ITPR1: variants seen among roughly 807,000 people sequenced by gnomAD.
The protein encoded by ITPR1 is inositol 1,4,5-trisphosphate-gated calcium channel ITPR1.
ITPR1 carries 96 observed loss-of-function variants against 318.4 expected under a neutral mutation model. That is an observed-to-expected ratio of 0.30 (90% CI 0.26 to 0.36). ITPR1 has a LOEUF of 0.36. Ranked by LOEUF, ITPR1 falls within the 10% of genes least tolerant of loss-of-function variation. ITPR1 has a pLI of 1.00. For synonymous variants in ITPR1, 1,312 were observed against 1,289.9 expected (o/e 1.02, Z -0.37); for missense variants, 2,440 against 3,460.2 (o/e 0.71, Z 7.40).
chr3:4,814,291 C>A, intron 57 of ITPR1, 132 bp from the exon 58 acceptor site: 1 of 1,007,070 alleles, frequency 9.9e-7, no homozygotes, highest in Non-Finnish European at 1.5e-6. Context: ...TAAGAAAATT[C>A]TTGGCTCTTG....
intron 2 of ITPR1, among the ~76,000 whole-genome samples, chr3:4,514,052 A>G (rs1278430192): frequency 6.6e-6 from 1 of 151,228 alleles, no homozygotes; most frequent in African/African-American, 2.4e-5. Flanking sequence ...GTGCCACTGC[A>G]CTCCAGCTTG....
At chr3:4,764,757 T>C (rs2045695660) in intron 44 of ITPR1, among the ~76,000 whole-genome samples, 1 of 152,228 alleles carries the variant, frequency 6.6e-6, no homozygotes, top group African/African-American at 2.4e-5. Context: ...AGCAGCCTCC[T>C]GGGTCACTTT....
In ITPR1 at chr3:4,524,300, CG is replaced by C. The variant is rs367600574; in HGVS notation, c.163+3207del. Among the ~76,000 whole-genome samples, 304 of 58,338 alleles carry C rather than the reference CG, an allele frequency of 5.2e-3. 7 individuals carry two copies. Among genetic ancestry groups the C allele is most frequent in the African/African-American group, 0.014 (291 of 20,468 alleles). 38.3% of individuals were successfully genotyped at this position (58,338 alleles called of 152,430 possible). A position where few individuals can be genotyped will look rare whatever the true frequency, so the allele number is the denominator to read the frequency against. Reference sequence around the variant, plus strand: ...TCAACTGCGGTGCAGCATACTTTGACGTTTTTTTTTTTTTTTTTTTTTTTTT... The same window carrying C: ...TCAACTGCGGTGCAGCATACTTTGACTTTTTTTTTTTTTTTTTTTTTTTTT... On this transcript the variant is annotated intron_variant, in intron 4 of 61. Transcript: ENST00000649015.
chr3:4,632,964 GGGTCTT>G (rs1389929931), intron 5 of ITPR1, among the ~76,000 whole-genome samples: 1 of 120,000 alleles, frequency 8.3e-6, no homozygotes, highest in East Asian at 2.2e-4. Context: ...TTTTGAGATG[GGGTCTT>G]GCTCTATTGC....
chr3:4,648,207 T>C (rs933859720), intron 10 of ITPR1, among the ~76,000 whole-genome samples: 1 of 152,152 alleles, frequency 6.6e-6, no homozygotes, highest in Non-Finnish European at 1.5e-5. Context: ...GTTTCCACAG[T>C]TATGATAAAA....
chr3:4,681,466 GAGCTCTCAGA>G, intron 26 of ITPR1, 48 bp downstream of exon 26: 1 of 1,231,718 alleles, frequency 8.1e-7, no homozygotes, highest in Non-Finnish European at 1.2e-6. Context: ...TGCTCTTCCA[GAGCTCTCAGA>G]GGCCTTCCCT....
Position 4,693,470 on chromosome 3 carries a change from C to A in ITPR1, c.4030-20C>A. On this transcript the variant is annotated intron_variant, in intron 32 of 61. Coordinates refer to ENST00000649015, the MANE Select transcript of ITPR1 (RefSeq NM_001378452.1). ...ACCCCTGCAAGCTTGTAATCTAAAC[C>A]CACCCTGTTCTTTATGTAGCTGGTC... is the stretch of plus-strand genomic sequence containing the variant. 1.2e-6 allele frequency: 2 copies of A among 1,607,226 alleles called. No homozygotes were observed. Among genetic ancestry groups the A allele is most frequent in the Non-Finnish European group, 1.7e-6 (2 of 1,174,146 alleles).
At chr3:4,806,739 T>C (rs1350930542) in intron 55 of ITPR1, among the ~76,000 whole-genome samples, 1 of 152,132 alleles carries the variant, frequency 6.6e-6, no homozygotes, top group East Asian at 1.9e-4. Context: ...TCAGTAGATT[T>C]ATTGGTCTAG....
At chr3:4,580,800 G>A (rs1034309472) in intron 4 of ITPR1, among the ~76,000 whole-genome samples, 5 of 152,292 alleles carry the variant, frequency 3.3e-5, no homozygotes, top group African/African-American at 1.2e-4. Context: ...TCACTGAATG[G>A]GGCCGCCTCT....
rs116130489 is a variant in ITPR1 at position 4,562,769 on chromosome 3, C to G, written c.163+41675C>G. The stretch of plus-strand genomic sequence containing the variant: ...TCAAGTGCGTGCAGTGCACTGTGCA[C>G]CATGCTAAGCACTGGAGATAGTGTT... On this transcript the variant is annotated intron_variant, in intron 4 of 61. Coordinates refer to ENST00000649015, the MANE Select transcript of ITPR1 (RefSeq NM_001378452.1). Among the ~76,000 whole-genome samples the G allele has an allele frequency of 5.7e-3, 861 of 151,782 alleles. 4 individuals are homozygous for G. Among genetic ancestry groups the G allele is most frequent in the Middle Eastern group, 0.021 (6 of 290 alleles).
chr3:4,689,605 C>T (rs549480372), intron 31 of ITPR1, among the ~76,000 whole-genome samples: 59 of 152,294 alleles, frequency 3.9e-4, no homozygotes, highest in Admixed American at 2.1e-3. Context: ...GATACTCAAC[C>T]TGTGTTCCCT....
chr3:4,687,737 G>A (rs188400044), intron 30 of ITPR1, among the ~76,000 whole-genome samples: 153 of 152,298 alleles, frequency 1.0e-3, no homozygotes, highest in African/African-American at 3.5e-3. Context: ...CTGAGTTTAT[G>A]CTATTAATGT....
At chr3:4,662,057 T>C (rs1479416954) in intron 14 of ITPR1, 25 bp from the exon 15 acceptor site, 3 of 1,605,368 alleles carry the variant, frequency 1.9e-6, no homozygotes, top group Non-Finnish European at 2.6e-6. Flanking sequence ...AGAGATTATC[T>C]CACAAGGACC....
intron 60 of ITPR1, among the ~76,000 whole-genome samples, chr3:4,819,301 G>T (rs1444798475): frequency 6.6e-6 from 1 of 152,214 alleles, no homozygotes; most frequent in African/African-American, 2.4e-5. Context: ...GGGCTTTCTG[G>T]AGATTCTGTG....
intron 5 of ITPR1, among the ~76,000 whole-genome samples, chr3:4,635,861 G>T (rs2093173148): frequency 6.6e-6 from 1 of 151,734 alleles, no homozygotes; most frequent in African/African-American, 2.4e-5. Flanking sequence ...ACCAGACTTG[G>T]GTTTGTTTGT....
intron 4 of ITPR1, among the ~76,000 whole-genome samples, chr3:4,545,622 CAAA>C (rs56829358): frequency 3.6e-4 from 25 of 68,740 alleles, no homozygotes; most frequent in African/African-American, 6.3e-4. Context: ...GACCCGGTCT[CAAA>C]AAAAAAAAAA....
chr3:4,699,761 A>G (rs1395741944), intron 34 of ITPR1, 52 bp from the exon 35 acceptor site: 2 of 1,583,472 alleles, frequency 1.3e-6, no homozygotes, highest in African/African-American at 2.7e-5. Flanking sequence ...AGATTTCTTA[A>G]TGTTTGGTGT....
At chr3:4,602,731 C>T (rs1168952663) in intron 4 of ITPR1, among the ~76,000 whole-genome samples, 1 of 151,940 alleles carries the variant, frequency 6.6e-6, no homozygotes, top group Non-Finnish European at 1.5e-5. Flanking sequence ...CCTTGCAAAC[C>T]TCGTGCTAAG....
chr3:4,592,605 C>T (rs1361968521), intron 4 of ITPR1, among the ~76,000 whole-genome samples: 1 of 152,034 alleles, frequency 6.6e-6, no homozygotes, highest in Non-Finnish European at 1.5e-5. Context: ...TGTCTGACAC[C>T]CTCTCCATGT....
Sources: allele counts gnomAD v4.1 joint callset (sites outside exome capture counted in the v4.1 genomes callset), GRCh38; gene constraint gnomAD v4.1.1; transcripts MANE v1.5; gene names NCBI Gene and HGNC (gene_info 2026-07-23, HGNC 2026-07-21).